PDE7B: variants seen among roughly 807,000 people sequenced by gnomAD.
PDE7B encodes 3',5'-cyclic-AMP phosphodiesterase 7B.
A neutral mutation model predicts 56.2 loss-of-function variants in PDE7B; 29 were observed. The ratio of observed to expected loss-of-function variants is 0.52; its 90% CI spans 0.38 to 0.70. The LOEUF is 0.70. PDE7B is among the 30% of genes least tolerant of loss of function. The pLI, the probability that PDE7B is intolerant of heterozygous loss-of-function variation, is 0.00. For missense variants in PDE7B, 490 were observed against 565.0 expected, an observed-to-expected ratio of 0.87 and a Z score of 1.35; for synonymous variants, 197 against 196.9, an observed-to-expected ratio of 1.00 and a Z score of 0.00.
At chr6:135,899,179 CAATT>C (rs1290864392) in intron 1 of PDE7B, among the ~76,000 whole-genome samples, 1 of 152,058 alleles carries the variant, frequency 6.6e-6, no homozygotes, top group African/African-American at 2.4e-5. Context: ...AACTGTGAGT[CAATT>C]AAACCTCTTT....
intron 2 of PDE7B, among the ~76,000 whole-genome samples, chr6:135,968,667 A>G (rs1432364961): frequency 6.6e-6 from 1 of 152,174 alleles, no homozygotes; most frequent in Non-Finnish European, 1.5e-5. Context: ...GAGAAATAGG[A>G]ATGTATTTAC....
At chr6:135,883,528 A>G (rs1360832180) in intron 1 of PDE7B, among the ~76,000 whole-genome samples, 1 of 152,228 alleles carries the variant, frequency 6.6e-6, no homozygotes, top group Non-Finnish European at 1.5e-5. Flanking sequence ...ATTGCTTAAA[A>G]TATGAGTCTG....
intron 2 of PDE7B, among the ~76,000 whole-genome samples, chr6:136,058,720 A>C (rs2128212279): frequency 6.6e-6 from 1 of 152,256 alleles, no homozygotes; most frequent in East Asian, 1.9e-4. Context: ...GGGAAAATGT[A>C]AGAGAGGGGA....
chr6:135,893,464 A>G (rs1250310712), intron 1 of PDE7B, among the ~76,000 whole-genome samples: 6 of 150,664 alleles, frequency 4.0e-5, no homozygotes, highest in Non-Finnish European at 8.9e-5. Context: ...AATCCAGTCT[A>G]TCATTGTTGG....
intron 1 of PDE7B, among the ~76,000 whole-genome samples, chr6:135,861,558 A>G (rs1466784698): frequency 1.3e-5 from 2 of 150,352 alleles, no homozygotes; most frequent in African/African-American, 2.4e-5. Context: ...TGATTGTTAT[A>G]TATATTACAA....
intron 2 of PDE7B, 25 bp from the exon 3 acceptor site, chr6:136,108,705 CT>C: frequency 6.7e-7 from 1 of 1,493,340 alleles, no homozygotes; most frequent in Non-Finnish European, 9.3e-7. Context: ...GTTTTCAAGC[CT>C]TTGTTTGGAT....
chr6:135,886,737 T>C (rs1775716489), intron 1 of PDE7B, among the ~76,000 whole-genome samples: 1 of 152,186 alleles, frequency 6.6e-6, no homozygotes, highest in Non-Finnish European at 1.5e-5. Context: ...ATAGTGTATA[T>C]ATACTACATT....
rs184085293 is a variant in PDE7B at position 135,974,303 on chromosome 6, A to C, written c.82+26779A>C. 5.1e-3 allele frequency among the ~76,000 whole-genome samples: 758 copies of C among 149,880 alleles called. 12 individuals are homozygous for C. Among genetic ancestry groups the C allele is most frequent in the African/African-American group, 0.017 (686 of 41,436 alleles). Reference sequence around the variant, plus strand: ...TGTGTGTCTATATACATATATATATATCTTATAAATGTGTGTATGTGTGTG... The same window carrying C: ...TGTGTGTCTATATACATATATATATCTCTTATAAATGTGTGTATGTGTGTG... On this transcript the variant is annotated intron_variant, in intron 2 of 12. Transcript: ENST00000308191.
chr6:135,989,965 G>T (rs987028300), intron 2 of PDE7B, among the ~76,000 whole-genome samples: 2 of 152,104 alleles, frequency 1.3e-5, no homozygotes, highest in African/African-American at 4.8e-5. Flanking sequence ...AACCCTTATG[G>T]GTCCAAAACA....
At chr6:136,053,872 T>G (rs1398483504) in intron 2 of PDE7B, among the ~76,000 whole-genome samples, 1 of 152,236 alleles carries the variant, frequency 6.6e-6, no homozygotes, top group African/African-American at 2.4e-5. Context: ...GAGAAGTGTC[T>G]GTTCATATCC....
Position 136,181,211 on chromosome 6 carries a change from C to T in PDE7B, c.949-16C>T, listed in dbSNP as rs755995138. ...AACATCCTCTCACAATTTCTCCCCG[C>T]CCTGTCATTTCTCAGATCGCCTTGA... On this transcript the variant is annotated splice_polypyrimidine_tract_variant and intron_variant, in intron 10 of 12. Coordinates refer to ENST00000308191, the MANE Select transcript of PDE7B (RefSeq NM_018945.4). 4 of 1,590,602 alleles carry T rather than the reference C, an allele frequency of 2.5e-6. No homozygotes were observed. In the African/African-American group the frequency reaches 5.4e-5, roughly 21 times the overall value.
intron 2 of PDE7B, among the ~76,000 whole-genome samples, chr6:135,985,150 C>T (rs906775288): frequency 2.6e-5 from 4 of 152,172 alleles, no homozygotes; most frequent in African/African-American, 9.7e-5. Context: ...TGTGACTATT[C>T]TCGTAAGAAA....
chr6:135,942,933 G>A (rs771387156), intron 1 of PDE7B, among the ~76,000 whole-genome samples: 5 of 151,914 alleles, frequency 3.3e-5, no homozygotes, highest in Non-Finnish European at 7.4e-5. Context: ...TTGGCCCCAC[G>A]CCTTGGCTAT....
chr6:136,054,537 A>G (rs1443527760), intron 2 of PDE7B, among the ~76,000 whole-genome samples: 3 of 152,140 alleles, frequency 2.0e-5, no homozygotes, highest in Non-Finnish European at 4.4e-5. Flanking sequence ...TGGCAATGCG[A>G]GCCCTTTTTT....
At chr6:136,168,688 C>T (rs1372646618) in intron 8 of PDE7B, among the ~76,000 whole-genome samples, 1 of 152,010 alleles carries the variant, frequency 6.6e-6, no homozygotes, top group Non-Finnish European at 1.5e-5. Context: ...TAGGAAAAAC[C>T]AAAAGGATTC....
At chr6:136,147,015 G>A (rs1215704645) in intron 3 of PDE7B, among the ~76,000 whole-genome samples, 1 of 152,158 alleles carries the variant, frequency 6.6e-6, no homozygotes, top group Non-Finnish European at 1.5e-5. Flanking sequence ...GGTGGCACAT[G>A]CCTGTAGTAG....
At chr6:136,007,847 T>C (rs1001939231) in intron 2 of PDE7B, among the ~76,000 whole-genome samples, 26 of 151,984 alleles carry the variant, frequency 1.7e-4, no homozygotes, top group Admixed American at 1.7e-3. Flanking sequence ...TTTTTTTTTA[T>C]TATACTTTAA....
chr6:135,991,936 T>C (rs557601946), intron 2 of PDE7B: 2 of 152,146 alleles, frequency 1.3e-5, no homozygotes, highest in Non-Finnish European at 2.9e-5. Flanking sequence ...TTCTTGAAGG[T>C]TTTTGGTTTG....
intron 8 of PDE7B, among the ~76,000 whole-genome samples, chr6:136,162,778 G>A (rs780643997): frequency 6.6e-6 from 1 of 152,136 alleles, no homozygotes; most frequent in African/African-American, 2.4e-5. Flanking sequence ...ATTCCAAATG[G>A]GAGAAATTGG....
Sources: allele counts gnomAD v4.1 joint callset (sites outside exome capture counted in the v4.1 genomes callset), GRCh38; gene constraint gnomAD v4.1.1; transcripts MANE v1.5; gene names NCBI Gene and HGNC (gene_info 2026-07-23, HGNC 2026-07-21).